CTBP2: variants seen among roughly 807,000 people sequenced by gnomAD.
CTBP2 encodes C-terminal-binding protein 2.
Under a neutral mutation model 80.3 loss-of-function variants are expected in CTBP2, and 30 were observed. The observed-to-expected ratio is 0.37, with a 90% CI of 0.28 to 0.51. CTBP2 has a LOEUF of 0.51. Among genes scored for constraint, CTBP2 ranks in the 20% least tolerant of loss-of-function variants. The pLI, the probability that CTBP2 is intolerant of heterozygous loss-of-function variation, is 0.93. For synonymous variants in CTBP2, 594 were observed against 587.4 expected, an observed-to-expected ratio of 1.01 and a Z score of -0.16; for missense variants, 1,212 against 1,375.3, an observed-to-expected ratio of 0.88 and a Z score of 1.88.
At chr10:125,033,375 G>C (rs773318391) in intron 3 of CTBP2, among the ~76,000 whole-genome samples, 2 of 152,184 alleles carry the variant, frequency 1.3e-5, no homozygotes, top group Non-Finnish European at 2.9e-5. Flanking sequence ...GAACGCCCTC[G>C]AGCGCGCACG....
chr10:125,055,238 G>A (rs1435597589), intron 2 of CTBP2, among the ~76,000 whole-genome samples: 1 of 152,192 alleles, frequency 6.6e-6, no homozygotes, highest in Non-Finnish European at 1.5e-5. Context: ...AAATATTGAA[G>A]GCAGTCTGCA....
intron 1 of CTBP2, among the ~76,000 whole-genome samples, chr10:125,116,401 G>A (rs930740076): frequency 5.9e-5 from 9 of 152,208 alleles, no homozygotes; most frequent in East Asian, 3.9e-4. Context: ...AAATGGGCCC[G>A]TCACATGGGT....
intron 1 of CTBP2, among the ~76,000 whole-genome samples, chr10:125,115,449 C>T (rs1853083309): frequency 6.6e-6 from 1 of 152,138 alleles, no homozygotes; most frequent in Admixed American, 6.5e-5. Context: ...AGAATTAATC[C>T]CAAGTTCCGC....
At chr10:125,063,099 GC>G (rs1844067724) in intron 2 of CTBP2, among the ~76,000 whole-genome samples, 1 of 152,246 alleles carries the variant, frequency 6.6e-6, no homozygotes, top group South Asian at 2.1e-4. Flanking sequence ...GCCTCGGCCA[GC>G]CTCGAGCTGG....
At chr10:125,064,206 G>T (rs963729937) in intron 2 of CTBP2, among the ~76,000 whole-genome samples, 1 of 152,226 alleles carries the variant, frequency 6.6e-6, no homozygotes, top group African/African-American at 2.4e-5. Flanking sequence ...GTTTGCCTGG[G>T]AGCCGGGACA....
chr10:125,161,945 GC>G (rs1861925947), upstream of CTBP2, among the ~76,000 whole-genome samples: 2 of 152,136 alleles, frequency 1.3e-5, no homozygotes, highest in Admixed American at 6.5e-5. Flanking sequence ...GCCGCTCGCG[GC>G]CCAACGAGCA....
intron 1 of CTBP2, among the ~76,000 whole-genome samples, chr10:125,009,271 C>A (rs879804480): frequency 4.6e-5 from 7 of 152,210 alleles, no homozygotes; most frequent in Non-Finnish European, 8.8e-5. Flanking sequence ...CCAAGCGATT[C>A]ACGGCTTCAT....
At chr10:125,042,845 T>C (rs761049049) in intron 2 of CTBP2, among the ~76,000 whole-genome samples, 8 of 152,002 alleles carry the variant, frequency 5.3e-5, no homozygotes, top group Non-Finnish European at 8.8e-5. Flanking sequence ...ACAGGAAAGC[T>C]GTATCTTTTC....
At chr10:125,101,406 AG>A (rs1850596927) in intron 2 of CTBP2, among the ~76,000 whole-genome samples, 1 of 152,250 alleles carries the variant, frequency 6.6e-6, no homozygotes, top group Admixed American at 6.5e-5. Flanking sequence ...ATTACGAAAC[AG>A]ATGTCCAGGT....
intron 2 of CTBP2, among the ~76,000 whole-genome samples, chr10:125,063,510 G>A (rs1035315387): frequency 2.0e-5 from 3 of 152,112 alleles, no homozygotes; most frequent in Non-Finnish European, 2.9e-5. Context: ...TTCTTGCTGT[G>A]GCAAAACCGT....
chr10:125,072,278 A>G (rs994466047), intron 2 of CTBP2, among the ~76,000 whole-genome samples: 3 of 150,864 alleles, frequency 2.0e-5, no homozygotes, highest in Non-Finnish European at 2.9e-5. Context: ...CTCAAAAAAG[A>G]AAAAGGAATC....
At chr10:125,149,795 T>C (rs2133382718) in intron 1 of CTBP2, among the ~76,000 whole-genome samples, 1 of 152,338 alleles carries the variant, frequency 6.6e-6, no homozygotes, top group East Asian at 1.9e-4. Flanking sequence ...CCGCATCACC[T>C]GCTCCGGGTA....
intron 4 of CTBP2, chr10:124,997,460 T>A (rs1953776650): frequency 6.0e-6 from 1 of 166,164 alleles, no homozygotes; most frequent in Non-Finnish European, 1.3e-5. Flanking sequence ...CGTCTCCTTT[T>A]CCTGCCCCTC....
intron 6 of CTBP2, 86 bp downstream of exon 8, chr10:124,993,769 G>T: frequency 6.7e-7 from 1 of 1,492,508 alleles, no homozygotes. Context: ...ACCTGTTTGG[G>T]AAAAGGGCCT....
At chr10:125,112,633 T>G (rs1852498499) in intron 1 of CTBP2, among the ~76,000 whole-genome samples, 1 of 151,840 alleles carries the variant, frequency 6.6e-6, no homozygotes, top group Non-Finnish European at 1.5e-5. Flanking sequence ...TTCACCATGT[T>G]GGTCAGGCTG....
At chr10:125,140,453 T>C (rs1264188205) in intron 1 of CTBP2, among the ~76,000 whole-genome samples, 21 of 152,110 alleles carry the variant, frequency 1.4e-4, no homozygotes, top group Admixed American at 1.4e-3. Flanking sequence ...ACCAGAAAAT[T>C]AGCAAATGCA....
rs551981913 is a variant in CTBP2, at chr10:125,088,688, G to A, written c.-102+22302C>T. ...TGGAAATTACACAGTAAGTGTTTCC[G>A]TTGGCTAGAAATCAATAGCCCTACT... On this transcript the variant is annotated intron_variant, in intron 2 of 10. Coordinates refer to the CTBP2 transcript ENST00000337195. Among the ~76,000 whole-genome samples, 90 of 152,210 alleles carry A rather than the reference G, an allele frequency of 5.9e-4. 2 individuals carry two copies. The South Asian group carries it at 0.017, about 29-fold the overall frequency.
At chr10:125,042,058 T>C (rs1162624392) in intron 2 of CTBP2, among the ~76,000 whole-genome samples, 1 of 151,830 alleles carries the variant, frequency 6.6e-6, no homozygotes, top group Non-Finnish European at 1.5e-5. Flanking sequence ...CACCGACCCA[T>C]GTTTAGGGCT....
Position 124,984,322 on chromosome 10 carries a change from A to G in CTBP2, c.*5196T>C, listed in dbSNP as rs1453297202. On this transcript the variant is annotated 3_prime_UTR_variant, in exon 9 of 9. Coordinates refer to ENST00000309035, the MANE Select transcript of CTBP2 (RefSeq NM_022802.3). The stretch of plus-strand genomic sequence containing the variant: ...GCTCTTTCAGAAAGCCAGTATTCTT[A>G]TAAAAGTATTGGTCTTTTATTTAAT... 6.4e-6 allele frequency: 1 copy of G among 156,016 alleles called. No individual in the cohort carries two copies. The highest frequency in any genetic ancestry group is 2.0e-4 in the South Asian group (1 of 5,044). 9.7% of individuals were successfully genotyped at this position (156,016 alleles called of 1,614,324 possible).
Sources: allele counts gnomAD v4.1 joint callset (sites outside exome capture counted in the v4.1 genomes callset), GRCh38; gene constraint gnomAD v4.1.1; transcripts MANE v1.5; gene names NCBI Gene and HGNC (gene_info 2026-07-23, HGNC 2026-07-21).